The following DPY30 variants were observed in gnomAD, a reference collection of about 807,000 sequenced individuals.
DPY30 encodes the protein protein dpy-30 homolog.
In DPY30, 6 loss-of-function variants were observed where a neutral mutation model predicts 16.2. That is an observed-to-expected ratio of 0.37 (90% confidence interval 0.20 to 0.73). The LOEUF is 0.73. Ranked by LOEUF, DPY30 falls within the 30% of genes least tolerant of loss-of-function variation. The pLI, the probability that DPY30 is intolerant of heterozygous loss-of-function variation, is 0.51. For missense variants in DPY30, 73 were observed against 113.1 expected, an observed-to-expected ratio of 0.65 and a Z score of 1.61; for synonymous variants, 39 against 38.8, an observed-to-expected ratio of 1.00 and a Z score of -0.02.
chr2:32,024,705 G>T (rs1333531683), intron 4 of DPY30, among the ~76,000 whole-genome samples: 2 of 152,072 alleles, frequency 1.3e-5, no homozygotes, highest in Non-Finnish European at 2.9e-5. Flanking sequence ...TTCAATAAAA[G>T]AACAAAAATA....
At chr2:32,026,391 C>T (rs1572994718) in intron 4 of DPY30, among the ~76,000 whole-genome samples, 1 of 152,112 alleles carries the variant, frequency 6.6e-6, no homozygotes, top group South Asian at 2.1e-4. Context: ...GCCTGGATGA[C>T]AGAGCGAGAA....
chr2:32,015,225 G>A (rs888968528), intron 5 of DPY30, among the ~76,000 whole-genome samples: 1 of 152,086 alleles, frequency 6.6e-6, no homozygotes, highest in Admixed American at 6.6e-5. Context: ...CTATAGATCA[G>A]AAAAATATTT....
chr2:32,024,322 G>T, intron 4 of DPY30, 66 bp from the exon 5 acceptor site: 2 of 1,152,054 alleles, frequency 1.7e-6, no homozygotes, highest in Non-Finnish European at 2.5e-6. Flanking sequence ...TAAACATATT[G>T]TTCCATAATG....
intron 3 of DPY30, among the ~76,000 whole-genome samples, chr2:32,036,183 G>T (rs1675730340): frequency 6.6e-6 from 1 of 151,330 alleles, no homozygotes; most frequent in Non-Finnish European, 1.5e-5. Context: ...TCACTATGTT[G>T]CCCAGGCTGG....
chr2:32,024,378 CA>C, intron 4 of DPY30, 122 bp from the exon 5 acceptor site: 1 of 720,446 alleles, frequency 1.4e-6, no homozygotes, highest in East Asian at 2.8e-5. Context: ...AGTCAAAGGA[CA>C]TTTGTAGTAA....
intron 4 of DPY30, among the ~76,000 whole-genome samples, chr2:32,028,220 G>A (rs971850996): frequency 1.3e-5 from 2 of 150,558 alleles, no homozygotes; most frequent in Non-Finnish European, 2.9e-5. Context: ...AAGCCCAAGC[G>A]ATCCTCCCAC....
At chr2:32,013,702 C>T (rs575906233) in intron 5 of DPY30, among the ~76,000 whole-genome samples, 69 of 152,244 alleles carry the variant, frequency 4.5e-4, no homozygotes, top group African/African-American at 1.6e-3. Flanking sequence ...CCTTATGAAG[C>T]TCAGACTTCA....
downstream of DPY30, among the ~76,000 whole-genome samples, chr2:32,022,090 G>T (rs1310379992): frequency 6.6e-6 from 1 of 151,854 alleles, no homozygotes; most frequent in African/African-American, 2.4e-5. Flanking sequence ...TGCACCTGTA[G>T]TCTCATCTAC....
chr2:32,035,633 A>G (rs1675706082), intron 3 of DPY30, among the ~76,000 whole-genome samples: 1 of 150,222 alleles, frequency 6.7e-6, no homozygotes, highest in Admixed American at 6.7e-5. Context: ...TAAGTTCACA[A>G]TAGAAAAAAG....
chr2:32,012,603 A>T lies in DPY30; in HGVS notation n.378-551T>A, dbSNP rs550779128. On this transcript the variant is annotated intron_variant and non_coding_transcript_variant, in intron 5 of 5. Transcript: ENST00000414013. ...CCACCACCATCCACCATGCCCAGCT[A>T]ATTTTTGTATTTTTAGTAGAGACAG... is the stretch of plus-strand genomic sequence containing the variant. Among the ~76,000 whole-genome samples, 175 of 151,772 alleles carry T rather than the reference A, an allele frequency of 1.2e-3. 2 individuals are homozygous for T. Among genetic ancestry groups the T allele is most frequent in the African/African-American group, 3.1e-3 (128 of 41,390 alleles).
At chr2:32,024,827 CTTCT>C (rs1250339019) in intron 4 of DPY30, among the ~76,000 whole-genome samples, 21 of 151,398 alleles carry the variant, frequency 1.4e-4, no homozygotes, top group Non-Finnish European at 7.4e-5. Flanking sequence ...CTAAAAGCTA[CTTCT>C]TTCTTTCTTC....
At chr2:32,029,948 T>G (rs1471557436) in intron 3 of DPY30, among the ~76,000 whole-genome samples, 1 of 152,000 alleles carries the variant, frequency 6.6e-6, no homozygotes, top group Non-Finnish European at 1.5e-5. Context: ...ACCTATTATC[T>G]CATTGTTCTA....
At chr2:32,020,511 C>CTAAA (rs1558582728), downstream of DPY30, among the ~76,000 whole-genome samples, 1 of 152,002 alleles carries the variant, frequency 6.6e-6, no homozygotes, top group Non-Finnish European at 1.5e-5. Context: ...GACCTCATCT[C>CTAAA]TAAATAAATA....
chr2:32,019,702 C>A (rs1675134361), downstream of DPY30, among the ~76,000 whole-genome samples: 2 of 150,988 alleles, frequency 1.3e-5, no homozygotes, highest in South Asian at 2.1e-4. Context: ...CGCCTGTAAT[C>A]CCAGCTACTA....
At chr2:32,020,207 A>G (rs1675150312), downstream of DPY30, among the ~76,000 whole-genome samples, 1 of 151,920 alleles carries the variant, frequency 6.6e-6, no homozygotes, top group African/African-American at 2.4e-5. Context: ...CTCCGTCTCA[A>G]AAACAAATAG....
intron 3 of DPY30, among the ~76,000 whole-genome samples, chr2:32,031,896 A>G (rs555934451): frequency 6.6e-6 from 1 of 151,130 alleles, no homozygotes; most frequent in South Asian, 2.1e-4. Flanking sequence ...CTGTCTCAAA[A>G]AAATAAAAAA....
chr2:32,018,033 T>C (rs1364508499), intron 5 of DPY30, among the ~76,000 whole-genome samples: 2 of 152,172 alleles, frequency 1.3e-5, no homozygotes, highest in East Asian at 3.8e-4. Flanking sequence ...CTACACAACT[T>C]TAATCTTGAA....
intron 3 of DPY30, among the ~76,000 whole-genome samples, chr2:32,032,384 A>G (rs1252620028): frequency 3.9e-5 from 6 of 152,292 alleles, no homozygotes; most frequent in East Asian, 1.9e-4. Flanking sequence ...ACACTATACA[A>G]CTTCATTATT....
At chr2:32,030,073 A>G (rs1283769993) in intron 3 of DPY30, among the ~76,000 whole-genome samples, 2 of 149,566 alleles carry the variant, frequency 1.3e-5, no homozygotes, top group East Asian at 3.9e-4. Flanking sequence ...CCAAAAAAAA[A>G]AAAAAAAAAT....
Sources: allele counts gnomAD v4.1 joint callset (sites outside exome capture counted in the v4.1 genomes callset), GRCh38; gene constraint gnomAD v4.1.1; transcripts MANE v1.5; gene names NCBI Gene and HGNC (gene_info 2026-07-23, HGNC 2026-07-21).